PDE8B: variants seen among roughly 807,000 people sequenced by gnomAD.
The protein encoded by PDE8B is high affinity cAMP-specific and IBMX-insensitive 3',5'-cyclic phosphodiesterase 8B.
In PDE8B, 26 loss-of-function variants were observed where a neutral mutation model predicts 101.3. The observed-to-expected ratio is 0.26, with a 90% CI of 0.19 to 0.36. The LOEUF (loss-of-function observed/expected upper bound fraction) is 0.36, where lower values mean the gene tolerates loss of function less well. Ranked by LOEUF, PDE8B falls within the 10% of genes least tolerant of loss-of-function variation. The pLI is 1.00. For synonymous variants in PDE8B, 424 were observed against 429.3 expected (o/e 0.99, Z 0.15); for missense variants, 810 against 1,163.1 (o/e 0.70, Z 4.42).
chr5:77,311,116 C>G (rs1217388860), intron 1 of PDE8B, among the ~76,000 whole-genome samples: 1 of 149,972 alleles, frequency 6.7e-6, no homozygotes, highest in Non-Finnish European at 1.5e-5. Context: ...GCAGGATAAG[C>G]TTCCAATAGT....
At chr5:77,212,551 A>C (rs78490425) in intron 1 of PDE8B, among the ~76,000 whole-genome samples, 1 of 152,198 alleles carries the variant, frequency 6.6e-6, no homozygotes, top group Non-Finnish European at 1.5e-5. Context: ...CCATTATAGT[A>C]AAAACATCGT....
intron 1 of PDE8B, among the ~76,000 whole-genome samples, chr5:77,217,044 C>T (rs367589226): frequency 3.6e-4 from 55 of 152,316 alleles, no homozygotes; most frequent in African/African-American, 1.1e-3. Flanking sequence ...TCACTGTTTA[C>T]AGTTCCTGTT....
chr5:77,394,089 A>G (rs1032656002), intron 10 of PDE8B, among the ~76,000 whole-genome samples: 1 of 152,282 alleles, frequency 6.6e-6, no homozygotes, highest in Non-Finnish European at 1.5e-5. Context: ...GCCATAAAGT[A>G]AGAATACTCA....
chr5:77,100,558 A>G, the PDE8B span, among the ~76,000 whole-genome samples: 3 of 152,192 alleles, frequency 2.0e-5, no homozygotes, highest in African/African-American at 7.2e-5. Flanking sequence ...TGGAAAAGCA[A>G]AAGACAGATC....
At chr5:77,272,080 C>T (rs906797297) in intron 1 of PDE8B, among the ~76,000 whole-genome samples, 10 of 152,150 alleles carry the variant, frequency 6.6e-5, no homozygotes, top group Non-Finnish European at 1.5e-5. Flanking sequence ...TAAACTTCTG[C>T]CCCTTGTTCT....
Position 77,412,246 on chromosome 5 carries a change from T to C in PDE8B, c.1712+11T>C, listed in dbSNP as rs1189497752. ...CATTACGCATAAAAGGTATGTGACTTCTCTGGCTGAAGGCAGAGCAGGATT... is the reference window on the plus strand; with the variant it reads ...CATTACGCATAAAAGGTATGTGACTCCTCTGGCTGAAGGCAGAGCAGGATT... On this transcript the variant is annotated intron_variant, in intron 16 of 21. Transcript: ENST00000264917. 14 of 1,613,886 alleles carry C rather than the reference T, an allele frequency of 8.7e-6. No homozygotes were observed. Among genetic ancestry groups the C allele is most frequent in the Non-Finnish European group, 1.2e-5 (14 of 1,179,838 alleles).
intron 10 of PDE8B, among the ~76,000 whole-genome samples, chr5:77,372,378 T>C (rs575771388): frequency 2.6e-5 from 4 of 152,344 alleles, no homozygotes; most frequent in South Asian, 2.1e-4. Flanking sequence ...TCTGTAGTTA[T>C]CTGTTTTTTG....
intron 17 of PDE8B, among the ~76,000 whole-genome samples, chr5:77,415,392 C>G (rs937090361): frequency 8.0e-6 from 1 of 124,984 alleles, no homozygotes; most frequent in Non-Finnish European, 1.6e-5. Context: ...AAGTCTCACT[C>G]TGTCACCCAG....
At chr5:77,107,812 A>G in the PDE8B span, among the ~76,000 whole-genome samples, 6 of 152,320 alleles carry the variant, frequency 3.9e-5, no homozygotes, top group Middle Eastern at 6.8e-3. Flanking sequence ...AGTTTGATTA[A>G]TATATATCTA....
At chr5:77,192,937 G>T in the PDE8B span, among the ~76,000 whole-genome samples, 1 of 152,096 alleles carries the variant, frequency 6.6e-6, no homozygotes, top group African/African-American at 2.4e-5. Context: ...ACTAATTGAT[G>T]CTGAGTCTTT....
At chr5:77,425,944 C>T (rs770655208) in intron 21 of PDE8B, 48 bp downstream of exon 21, 139 of 1,557,332 alleles carry the variant, frequency 8.9e-5, no homozygotes, top group Middle Eastern at 1.7e-4. Flanking sequence ...TTATACTTTA[C>T]GAATATTATC....
the PDE8B span, among the ~76,000 whole-genome samples, chr5:77,179,445 A>G: frequency 6.6e-6 from 1 of 152,184 alleles, no homozygotes; most frequent in East Asian, 1.9e-4. Context: ...CCTCCACCCC[A>G]GAGGAGCCAG....
At chr5:77,423,529 T>C (rs1797144039) in intron 20 of PDE8B, among the ~76,000 whole-genome samples, 1 of 152,120 alleles carries the variant, frequency 6.6e-6, no homozygotes, top group Non-Finnish European at 1.5e-5. Context: ...ACATCTGTTA[T>C]TTTCTGACTT....
At chr5:77,161,726 G>T in the PDE8B span, among the ~76,000 whole-genome samples, 5 of 152,096 alleles carry the variant, frequency 3.3e-5, no homozygotes, top group Middle Eastern at 3.4e-3. Flanking sequence ...GTATCATTTT[G>T]TGCTCCCACC....
At chr5:77,098,765 T>A in the PDE8B span, 6 of 152,094 alleles carry the variant, frequency 3.9e-5, no homozygotes, top group Admixed American at 1.3e-4. Flanking sequence ...CCTTTTTGCA[T>A]TATCCCATGG....
At position 77,211,316 on chromosome 5, in the gene PDE8B, G is replaced by T; in HGVS notation, c.339+52G>T. The T allele has an allele frequency of 6.7e-7, 1 of 1,496,202 alleles. No homozygotes were observed. Among genetic ancestry groups the T allele is most frequent in the South Asian group, 1.2e-5 (1 of 81,030 alleles). 92.7% of individuals were successfully genotyped at this position (1,496,202 alleles called of 1,614,324 possible). On this transcript the variant is annotated intron_variant, in intron 1 of 21. Coordinates refer to ENST00000264917, the MANE Select transcript of PDE8B (RefSeq NM_003719.5). The surrounding 1 kb of genome is among the most constrained non-coding windows in gnomAD (Gnocchi z 4.1). The stretch of plus-strand genomic sequence containing the variant: ...GTGGGGGCCGTCCGCCCCGTCGGCG[G>T]GGCTCGCACGGGTAGGGGGCTCCGG...
chr5:77,323,672 T>A (rs1200001999), intron 2 of PDE8B, among the ~76,000 whole-genome samples: 1 of 152,102 alleles, frequency 6.6e-6, no homozygotes. Context: ...AATAAAAGTA[T>A]TTTTCAGCTG....
At chr5:77,346,698 A>C (rs1259640384) in intron 7 of PDE8B, among the ~76,000 whole-genome samples, 1 of 152,206 alleles carries the variant, frequency 6.6e-6, no homozygotes, top group Non-Finnish European at 1.5e-5. Flanking sequence ...ACTGCCTTTA[A>C]AGGGAAACTT....
chr5:77,386,847 TGTTA>T (rs532663224), intron 10 of PDE8B, among the ~76,000 whole-genome samples: 135 of 148,218 alleles, frequency 9.1e-4, no homozygotes, highest in African/African-American at 3.2e-3. Context: ...TTATTTTGCC[TGTTA>T]GTTGATGTAG....
Sources: gnomAD v4.1 joint callset for allele counts (sites outside exome capture counted in the v4.1 genomes callset) on GRCh38, gnomAD v4.1.1 for gene constraint, Gnocchi (gnomAD v3.1) non-coding constraint, MANE v1.5 for transcripts, NCBI Gene and HGNC (gene_info 2026-07-23, HGNC 2026-07-21) for gene names.